The following SLC16A7 variants were observed in gnomAD, a reference collection of about 807,000 sequenced individuals.
The protein encoded by SLC16A7 is monocarboxylate transporter 2.
In SLC16A7, 33 loss-of-function variants were observed where a neutral mutation model predicts 34.9. That is an observed-to-expected ratio of 0.94 (90% confidence interval 0.72 to 1.26). The LOEUF is 1.26. Ranked by LOEUF, SLC16A7 falls within the 50% of genes most tolerant of loss-of-function variation. The pLI is 0.00. For missense variants in SLC16A7, 573 were observed against 578.1 expected (o/e 0.99, Z 0.09); for synonymous variants, 201 against 206.6 (o/e 0.97, Z 0.23).
intron 2 of SLC16A7, among the ~76,000 whole-genome samples, chr12:59,696,215 G>A (rs527730782): frequency 4.4e-4 from 67 of 150,590 alleles, no homozygotes; most frequent in South Asian, 6.3e-4. Flanking sequence ...TTTCTCATGC[G>A]CATGTTTGGT....
chr12:59,625,245 A>G (rs1682216971), intron 1 of SLC16A7, among the ~76,000 whole-genome samples: 2 of 151,768 alleles, frequency 1.3e-5, no homozygotes, highest in African/African-American at 4.8e-5. Flanking sequence ...GATTTTCTTC[A>G]TGGACTACCA....
intron 2 of SLC16A7, among the ~76,000 whole-genome samples, chr12:59,668,905 A>C (rs563880915): frequency 6.6e-6 from 1 of 152,292 alleles, no homozygotes; most frequent in African/African-American, 2.4e-5. Flanking sequence ...GGTTTTATAA[A>C]GGGGAGTTCC....
intron 2 of SLC16A7, among the ~76,000 whole-genome samples, chr12:59,691,836 T>A (rs1322814015): frequency 1.3e-5 from 2 of 151,998 alleles, no homozygotes; most frequent in Non-Finnish European, 2.9e-5. Flanking sequence ...TGATAAATGA[T>A]GTTGCCCTGG....
At chr12:59,722,836 A>G (rs1299143599) in intron 3 of SLC16A7, among the ~76,000 whole-genome samples, 1 of 151,914 alleles carries the variant, frequency 6.6e-6, no homozygotes, top group Non-Finnish European at 1.5e-5. Flanking sequence ...TTTGAATAGT[A>G]GTGTCCTATA....
intron 3 of SLC16A7, among the ~76,000 whole-genome samples, chr12:59,724,058 A>AT (rs1244554458): frequency 6.6e-6 from 1 of 152,074 alleles, no homozygotes; most frequent in Non-Finnish European, 1.5e-5. Flanking sequence ...ATAGTATATG[A>AT]TTTTAATATT....
Position 59,771,350 on chromosome 12 carries a change from G to A in SLC16A7, c.349G>A (p.Gly117Arg), listed in dbSNP as rs1291014092. 1 of 1,602,852 alleles carries A rather than the reference G, an allele frequency of 6.2e-7. No individual in the cohort carries two copies. The highest frequency in any genetic ancestry group is 1.7e-5 in the Admixed American group (1 of 58,304). ...SSVVQLYLTMGFITGLGLAFN... is the reference protein window; with the variant it reads ...SSVVQLYLTMRFITGLGLAFN... ...CGTGGTACAGCTGTACCTCACTATG[G>A]GATTCATTACAGGTAAGCCATTTAG... The change falls in exon 4 of 6, where the codon GGA becomes AGA. Residue 117 changes from glycine to arginine, a missense_variant. Gly to Arg is a moderately radical substitution (Grantham distance 125, BLOSUM62 -2). Coordinates refer to ENST00000547379, the MANE Select transcript of SLC16A7 (RefSeq NM_001270623.2).
chr12:59,618,970 T>C (rs1879580940), intron 1 of SLC16A7, among the ~76,000 whole-genome samples: 1 of 152,046 alleles, frequency 6.6e-6, no homozygotes, highest in Non-Finnish European at 1.5e-5. Flanking sequence ...TATTTTCCCA[T>C]TTGCAACACC....
intron 1 of SLC16A7, among the ~76,000 whole-genome samples, chr12:59,604,528 G>T (rs984510888): frequency 2.0e-5 from 3 of 152,170 alleles, no homozygotes; most frequent in African/African-American, 7.2e-5. Flanking sequence ...CAAATAAGTG[G>T]CTATTAAGTA....
chr12:59,774,770 A>G lies in SLC16A7; in HGVS notation c.475A>G (p.Ser159Gly). The change falls in exon 5 of 6, where the codon AGT (serine) becomes GGT (glycine). Residue 159 changes from serine (S) to glycine (G), a missense_variant. Ser to Gly is a moderately conservative substitution (Grantham distance 56). Coordinates refer to ENST00000547379, the MANE Select transcript of SLC16A7 (RefSeq NM_001270623.2). ...CATGGCAGGAAGTCCTGTTTTCTTA[A>G]GTTCATTGGCTCCTTTCAATCAGTA... The part of the protein sequence containing the change: ...LAMAGSPVFL[S>G]SLAPFNQYLF... The G allele has an allele frequency of 6.2e-7, 1 of 1,613,942 alleles. No individual in the cohort carries two copies. The highest frequency in any genetic ancestry group is 8.5e-7 in the Non-Finnish European group (1 of 1,179,922).
intron 1 of SLC16A7, among the ~76,000 whole-genome samples, chr12:59,618,810 C>G (rs1331628421): frequency 6.6e-6 from 1 of 151,824 alleles, no homozygotes; most frequent in Non-Finnish European, 1.5e-5. Flanking sequence ...CACTTTTTTT[C>G]TGAATTTTGT....
chr12:59,675,263 A>C (rs1870215107), intron 2 of SLC16A7, among the ~76,000 whole-genome samples: 1 of 152,208 alleles, frequency 6.6e-6, no homozygotes. Flanking sequence ...GTACCCCCAA[A>C]ATACCCAGTG....
chr12:59,653,790 G>A (rs961426325), intron 1 of SLC16A7, among the ~76,000 whole-genome samples: 1 of 151,564 alleles, frequency 6.6e-6, no homozygotes, highest in East Asian at 1.9e-4. Context: ...AGGTTCTCTG[G>A]TTAAATCGCG....
At chr12:59,690,710 A>G (rs896058637) in intron 2 of SLC16A7, among the ~76,000 whole-genome samples, 2 of 152,014 alleles carry the variant, frequency 1.3e-5, no homozygotes, top group Non-Finnish European at 2.9e-5. Flanking sequence ...TCCTTTATAG[A>G]TATAAATTTC....
intron 2 of SLC16A7, among the ~76,000 whole-genome samples, chr12:59,680,774 A>G (rs544929213): frequency 6.6e-6 from 1 of 152,272 alleles, no homozygotes; most frequent in South Asian, 2.1e-4. Context: ...GAACAAATGA[A>G]TAGATGAACT....
chr12:59,689,692 C>T (rs898417116), intron 2 of SLC16A7, among the ~76,000 whole-genome samples: 1 of 151,886 alleles, frequency 6.6e-6, no homozygotes, highest in Non-Finnish European at 1.5e-5. Context: ...AGGAATTTTT[C>T]TTTAACTCCT....
chr12:59,747,295 TTA>T (rs1879000055), intron 3 of SLC16A7, among the ~76,000 whole-genome samples: 1 of 152,230 alleles, frequency 6.6e-6, no homozygotes. Context: ...AATAAAGTTA[TTA>T]TGTTGTACAT....
intron 3 of SLC16A7, among the ~76,000 whole-genome samples, chr12:59,766,075 A>G (rs1355357663): frequency 1.3e-5 from 2 of 152,096 alleles, no homozygotes; most frequent in African/African-American, 2.4e-5. Flanking sequence ...ATTCCTAGGT[A>G]TTTTAATTCT....
chr12:59,721,681 C>A (rs898200941), intron 3 of SLC16A7, among the ~76,000 whole-genome samples: 1 of 151,814 alleles, frequency 6.6e-6, no homozygotes, highest in Non-Finnish European at 1.5e-5. Context: ...CAGAATTTTT[C>A]TTGTACCCCT....
chr12:59,714,412 A>G (rs1463205893), intron 3 of SLC16A7, among the ~76,000 whole-genome samples: 1 of 152,200 alleles, frequency 6.6e-6, no homozygotes, highest in Non-Finnish European at 1.5e-5. Flanking sequence ...ACAGCTGTGG[A>G]GGCAGGAAGT....
Sources: allele counts gnomAD v4.1 joint callset (sites outside exome capture counted in the v4.1 genomes callset), GRCh38; gene constraint gnomAD v4.1.1; transcripts MANE v1.5; gene names NCBI Gene and HGNC (gene_info 2026-07-23, HGNC 2026-07-21).